The following PTPRD variants were observed in gnomAD, a reference collection of about 807,000 sequenced individuals.
PTPRD encodes receptor-type tyrosine-protein phosphatase delta.
In PTPRD, 34 loss-of-function variants were observed where a neutral mutation model predicts 214.5. The observed-to-expected ratio is 0.16, with a 90% CI of 0.12 to 0.21. PTPRD has a LOEUF of 0.21. PTPRD is among the 10% of genes least tolerant of loss of function. The probability of loss-of-function intolerance (pLI) is 1.00; values close to 1 mark genes in which losing one functional copy is unlikely to be tolerated. For synonymous variants in PTPRD, 1,128 were observed against 845.7 expected (o/e 1.33, Z -5.79); for missense variants, 2,545 against 2,398.7 (o/e 1.06, Z -1.27).
intron 14 of PTPRD, among the ~76,000 whole-genome samples, chr9:8,599,512 A>G (rs191355053): frequency 9.9e-5 from 15 of 152,200 alleles, no homozygotes; most frequent in Non-Finnish European, 1.8e-4. Context: ...TTCTTAATTC[A>G]AAAGTAGAAA....
In PTPRD at chr9:8,843,496, G is replaced by A. The variant is rs79976453; in HGVS notation, c.-103-109550C>T. Among the ~76,000 whole-genome samples the A allele has an allele frequency of 1.1e-3, 172 of 152,230 alleles. 4 individuals are homozygous for A. The East Asian group carries it at 0.031, about 28-fold the overall frequency. On this transcript the variant is annotated intron_variant, in intron 11 of 45. Transcript: ENST00000381196. ...TGTCTAATACAACTTAGTGCAACACGGGAAACGTTCTATGTCGGTGCTGGT... is the reference window on the plus strand; with the variant it reads ...TGTCTAATACAACTTAGTGCAACACAGGAAACGTTCTATGTCGGTGCTGGT...
At chr9:8,824,833 CTAA>C (rs2097144325) in intron 11 of PTPRD, among the ~76,000 whole-genome samples, 1 of 152,100 alleles carries the variant, frequency 6.6e-6, no homozygotes, top group South Asian at 2.1e-4. Flanking sequence ...TTAGAAACAA[CTAA>C]TGAGACTAGA....
intron 5 of PTPRD, among the ~76,000 whole-genome samples, chr9:9,896,024 C>T (rs944508979): frequency 5.9e-5 from 9 of 151,938 alleles, no homozygotes; most frequent in Non-Finnish European, 1.0e-4. Context: ...CTACTGCAAA[C>T]GAGATGACTA....
chr9:9,475,383 C>G (rs10816138), intron 8 of PTPRD, among the ~76,000 whole-genome samples: 105,973 of 152,036 alleles, frequency 0.7, 37,009 homozygotes, highest in South Asian at 0.73. Context: ...CCCTATGGCA[C>G]TAACAGCTGT....
At chr9:10,396,776 G>C (rs1207846258) in intron 2 of PTPRD, among the ~76,000 whole-genome samples, 10 of 152,008 alleles carry the variant, frequency 6.6e-5, no homozygotes, top group Non-Finnish European at 1.5e-4. Flanking sequence ...AAAACTTGCT[G>C]ATTTTCCCCA....
chr9:8,739,140 A>G lies in PTPRD; in HGVS notation c.-103-5194T>C, dbSNP rs115229470. Among the ~76,000 whole-genome samples, 1,486 of 152,334 alleles carry G rather than the reference A, an allele frequency of 9.8e-3. 23 individuals are homozygous for G. The highest frequency in any genetic ancestry group is 0.032 in the African/African-American group (1,349 of 41,572). On this transcript the variant is annotated intron_variant, in intron 11 of 45. Coordinates refer to ENST00000381196, the MANE Select transcript of PTPRD (RefSeq NM_002839.4). ...GCAGGGCTGCTCTGGCTGAAGCCTG[A>G]AGGAGGGGAGGGGCCTGGAGCCTAC...
At chr9:10,218,693 AC>A (rs1463633852) in intron 3 of PTPRD, among the ~76,000 whole-genome samples, 1 of 151,854 alleles carries the variant, frequency 6.6e-6, no homozygotes, top group Admixed American at 6.6e-5. Context: ...CCATTAATAG[AC>A]ATAAAGAAAT....
intron 10 of PTPRD, among the ~76,000 whole-genome samples, chr9:9,170,236 A>T (rs535289348): frequency 6.6e-6 from 1 of 152,294 alleles, no homozygotes; most frequent in South Asian, 2.1e-4. Context: ...CACTAAGCTG[A>T]ATTATTTTTC....
chr9:9,178,171 G>T (rs2099926060), intron 10 of PTPRD, among the ~76,000 whole-genome samples: 1 of 152,144 alleles, frequency 6.6e-6, no homozygotes, highest in African/African-American at 2.4e-5. Flanking sequence ...AGTTTAATCA[G>T]AGTGTGGCTG....
chr9:9,865,968 G>A (rs981174735), intron 5 of PTPRD, among the ~76,000 whole-genome samples: 1 of 152,116 alleles, frequency 6.6e-6, no homozygotes, highest in East Asian at 1.9e-4. Context: ...AACAATTCAA[G>A]GAAGAGTCCC....
intron 10 of PTPRD, among the ~76,000 whole-genome samples, chr9:9,179,864 T>G (rs1448308274): frequency 6.6e-6 from 1 of 152,132 alleles, no homozygotes; most frequent in East Asian, 1.9e-4. Context: ...TCCCTCATCC[T>G]AACATGGAGA....
chr9:8,853,481 A>G (rs994393653), intron 11 of PTPRD, among the ~76,000 whole-genome samples: 1 of 152,200 alleles, frequency 6.6e-6, no homozygotes. Flanking sequence ...TGACATTTTA[A>G]TAAGTGTCAC....
chr9:8,980,840 G>C (rs1024728224), intron 11 of PTPRD, among the ~76,000 whole-genome samples: 4 of 151,736 alleles, frequency 2.6e-5, no homozygotes, highest in Admixed American at 2.6e-4. Context: ...ATCATGTAGG[G>C]CAAAGGGTGG....
intron 2 of PTPRD, among the ~76,000 whole-genome samples, chr9:10,603,806 T>C (rs1380753394): frequency 6.6e-6 from 1 of 151,810 alleles, no homozygotes; most frequent in Non-Finnish European, 1.5e-5. Context: ...AAAAAGATCA[T>C]AGTGACCTTG....
intron 8 of PTPRD, among the ~76,000 whole-genome samples, chr9:9,493,235 TG>T (rs2096002260): frequency 6.6e-6 from 1 of 151,988 alleles, no homozygotes. Flanking sequence ...GCTCTAGAAA[TG>T]GAAAAACAAA....
At chr9:9,683,666 T>C (rs2097116060) in intron 7 of PTPRD, among the ~76,000 whole-genome samples, 1 of 151,610 alleles carries the variant, frequency 6.6e-6, no homozygotes, top group African/African-American at 2.4e-5. Context: ...CATTTTAGTA[T>C]TAGATTTTAA....
At chr9:8,631,667 C>T (rs1041015546) in intron 14 of PTPRD, among the ~76,000 whole-genome samples, 2 of 151,752 alleles carry the variant, frequency 1.3e-5, no homozygotes, top group African/African-American at 4.8e-5. Context: ...GTCTCTGTTA[C>T]TCTCAACTTA....
chr9:8,621,541 G>C (rs1223609885), intron 14 of PTPRD, among the ~76,000 whole-genome samples: 1 of 151,886 alleles, frequency 6.6e-6, no homozygotes, highest in Non-Finnish European at 1.5e-5. Flanking sequence ...CTTTGTACTA[G>C]GTTTATGGCA....
chr9:9,348,761 T>C (rs1325820406), intron 9 of PTPRD, among the ~76,000 whole-genome samples: 3 of 152,080 alleles, frequency 2.0e-5, no homozygotes, highest in East Asian at 1.9e-4. Flanking sequence ...GTGGCTTCTC[T>C]TGAACATTTG....
Sources: allele counts gnomAD v4.1 joint callset (sites outside exome capture counted in the v4.1 genomes callset), GRCh38; gene constraint gnomAD v4.1.1; transcripts MANE v1.5; gene names NCBI Gene and HGNC (gene_info 2026-07-23, HGNC 2026-07-21).